Variants in OXR1 observed in about 807,000 individuals in gnomAD.
The protein encoded by OXR1 is oxidation resistance 1.
Under a neutral mutation model 104.6 loss-of-function variants are expected in OXR1, and 41 were observed. The observed-to-expected ratio is 0.39, with a 90% CI of 0.31 to 0.51. The LOEUF is 0.51. Ranked by LOEUF, OXR1 falls within the 20% of genes least tolerant of loss-of-function variation. The pLI is 0.77. For synonymous variants in OXR1, 348 were observed against 348.4 expected, an observed-to-expected ratio of 1.00 and a Z score of 0.01; for missense variants, 955 against 1,031.9, an observed-to-expected ratio of 0.93 and a Z score of 1.02.
At chr8:106,368,060 A>G (rs999182881) in intron 2 of OXR1, among the ~76,000 whole-genome samples, 23 of 152,180 alleles carry the variant, frequency 1.5e-4, no homozygotes, top group African/African-American at 5.6e-4. Context: ...GCCCTCCCTT[A>G]CTAGGTTACA....
At chr8:106,572,745 A>G (rs1817561769) in intron 3 of OXR1, among the ~76,000 whole-genome samples, 2 of 152,148 alleles carry the variant, frequency 1.3e-5, no homozygotes, top group African/African-American at 4.8e-5. Context: ...CACCCTTTAC[A>G]TCTACATTCC....
chr8:106,615,707 C>T (rs1821163923), intron 3 of OXR1, among the ~76,000 whole-genome samples: 1 of 151,844 alleles, frequency 6.6e-6, no homozygotes, highest in Admixed American at 6.6e-5. Context: ...ATGATTTGAA[C>T]AGGAACATCA....
At chr8:106,451,472 G>A (rs1820310602) in intron 2 of OXR1, among the ~76,000 whole-genome samples, 1 of 152,080 alleles carries the variant, frequency 6.6e-6, no homozygotes, top group Non-Finnish European at 1.5e-5. Context: ...GCCATTTTAA[G>A]CAATTTTGTA....
chr8:106,277,260 C>G (rs1812086629), intron 1 of OXR1, among the ~76,000 whole-genome samples: 1 of 152,204 alleles, frequency 6.6e-6, no homozygotes, highest in African/African-American at 2.4e-5. Context: ...ATTCAAATCT[C>G]TGTTCCTCAG....
chr8:106,490,496 CTA>C (rs1247085598), intron 2 of OXR1, among the ~76,000 whole-genome samples: 1 of 152,058 alleles, frequency 6.6e-6, no homozygotes, highest in Non-Finnish European at 1.5e-5. Context: ...GTAGCTGGGA[CTA>C]CAGGCCTGCG....
At chr8:106,302,699 G>A (rs1029151343) in intron 1 of OXR1, among the ~76,000 whole-genome samples, 10 of 152,096 alleles carry the variant, frequency 6.6e-5, no homozygotes, top group Non-Finnish European at 1.0e-4. Flanking sequence ...TATAAATTGG[G>A]TATTTGTGGG....
chr8:106,451,783 T>C (rs1820326500), intron 2 of OXR1, among the ~76,000 whole-genome samples: 1 of 152,348 alleles, frequency 6.6e-6, no homozygotes, highest in Non-Finnish European at 1.5e-5. Context: ...TTAGCTTTTA[T>C]TTTTTGCATG....
intron 3 of OXR1, among the ~76,000 whole-genome samples, chr8:106,661,042 G>A (rs1825713426): frequency 6.6e-6 from 1 of 151,784 alleles, no homozygotes; most frequent in Non-Finnish European, 1.5e-5. Flanking sequence ...GCCAGGCATG[G>A]TGGCACACTC....
intron 3 of OXR1, among the ~76,000 whole-genome samples, chr8:106,533,804 C>T (rs893187645): frequency 6.6e-6 from 1 of 151,648 alleles, no homozygotes; most frequent in Admixed American, 6.6e-5. Flanking sequence ...AAACCTCTGC[C>T]CTCTGGGTTC....
intron 2 of OXR1, among the ~76,000 whole-genome samples, chr8:106,465,878 A>G (rs1181128670): frequency 1.3e-5 from 2 of 151,984 alleles, no homozygotes; most frequent in Non-Finnish European, 2.9e-5. Context: ...ATTGGTTTCT[A>G]TTCTTGAGTA....
intron 3 of OXR1, among the ~76,000 whole-genome samples, chr8:106,579,518 G>A (rs1463340719): frequency 6.6e-6 from 1 of 152,196 alleles, no homozygotes; most frequent in Non-Finnish European, 1.5e-5. Flanking sequence ...GTGCAGGGAA[G>A]GATGTTGCAA....
intron 3 of OXR1, among the ~76,000 whole-genome samples, chr8:106,639,166 C>G (rs1385355766): frequency 6.6e-6 from 1 of 152,174 alleles, no homozygotes; most frequent in Non-Finnish European, 1.5e-5. Flanking sequence ...GACTGGACCC[C>G]TTCTGACTGG....
chr8:106,519,170 A>G, intron 3 of OXR1, 31 bp downstream of exon 3: 2 of 1,446,556 alleles, frequency 1.4e-6, no homozygotes, highest in East Asian at 2.5e-5. Context: ...GCAAGTGAAT[A>G]GATGAAATCT....
At chr8:106,637,558 G>T (rs1201151420) in intron 3 of OXR1, among the ~76,000 whole-genome samples, 1 of 151,992 alleles carries the variant, frequency 6.6e-6, no homozygotes, top group East Asian at 1.9e-4. Context: ...AAGTATAGAC[G>T]GTACATTCTT....
In OXR1 at chr8:106,670,409, T is replaced by C. The variant is rs145436895; in HGVS notation, c.221-8801T>C. On this transcript the variant is annotated intron_variant, in intron 3 of 16. Coordinates refer to ENST00000517566, the MANE Select transcript of OXR1 (RefSeq NM_001198533.2). The stretch of plus-strand genomic sequence containing the variant: ...GTTTTGTCAGACGATTTTGCAAATT[T>C]TATGTTCTGCACACAAAATAGGCAC... 6.9e-4 allele frequency among the ~76,000 whole-genome samples: 105 copies of C among 152,314 alleles called. No individual in the cohort carries two copies. In the Middle Eastern group the frequency reaches 0.017, roughly 25 times the overall value.
At chr8:106,459,718 G>A (rs1421033496) in intron 2 of OXR1, among the ~76,000 whole-genome samples, 1 of 152,158 alleles carries the variant, frequency 6.6e-6, no homozygotes, top group Non-Finnish European at 1.5e-5. Flanking sequence ...CATATCTGTT[G>A]TTCCTTTTGC....
intron 1 of OXR1, among the ~76,000 whole-genome samples, chr8:106,288,643 A>G (rs1812608858): frequency 6.8e-6 from 1 of 148,032 alleles, no homozygotes; most frequent in Non-Finnish European, 1.5e-5. Context: ...ATATTAATAT[A>G]TACACACACA....
intron 2 of OXR1, among the ~76,000 whole-genome samples, chr8:106,364,789 T>C (rs1052758713): frequency 1.3e-5 from 2 of 152,198 alleles, no homozygotes; most frequent in African/African-American, 4.8e-5. Flanking sequence ...GCATTTAGGA[T>C]GAGAAAATTC....
chr8:106,406,075 T>C (rs561466889), intron 2 of OXR1, among the ~76,000 whole-genome samples: 1 of 152,334 alleles, frequency 6.6e-6, no homozygotes, highest in South Asian at 2.1e-4. Flanking sequence ...CTGCAGGCTG[T>C]GTGGCTAGAA....
Sources: gnomAD v4.1 joint callset for allele counts (sites outside exome capture counted in the v4.1 genomes callset) on GRCh38, gnomAD v4.1.1 for gene constraint, MANE v1.5 for transcripts, NCBI Gene and HGNC (gene_info 2026-07-23, HGNC 2026-07-21) for gene names.